Variants in ADAMTS17 observed in about 807,000 individuals in gnomAD.
ADAMTS17 encodes the protein A disintegrin and metalloproteinase with thrombospondin motifs 17.
A neutral mutation model predicts 141.5 loss-of-function variants in ADAMTS17; 113 were observed. The ratio of observed to expected loss-of-function variants is 0.80; its 90% confidence interval spans 0.69 to 0.93. The LOEUF is 0.93. Among genes scored for constraint, ADAMTS17 ranks in the 40% least tolerant of loss-of-function variants. The pLI is 0.00. For missense variants in ADAMTS17, 1,659 were observed against 1,517.9 expected, an observed-to-expected ratio of 1.09 and a Z score of -1.54; for synonymous variants, 768 against 630.6, an observed-to-expected ratio of 1.22 and a Z score of -3.27.
At chr15:100,103,615 G>C (rs2141061759) in intron 14 of ADAMTS17, among the ~76,000 whole-genome samples, 1 of 150,270 alleles carries the variant, frequency 6.7e-6, no homozygotes, top group South Asian at 2.1e-4. Flanking sequence ...GTCTCTCTCT[G>C]TCGCCCAGGC....
chr15:99,984,325 C>A (rs568923116), intron 20 of ADAMTS17, among the ~76,000 whole-genome samples: 9 of 152,190 alleles, frequency 5.9e-5, no homozygotes, highest in African/African-American at 1.9e-4. Flanking sequence ...GGTAACTTTG[C>A]TTCCCACCAT....
At chr15:100,039,988 T>C (rs1387029494) in intron 18 of ADAMTS17, among the ~76,000 whole-genome samples, 1 of 152,232 alleles carries the variant, frequency 6.6e-6, no homozygotes, top group African/African-American at 2.4e-5. Context: ...AAAAATCTTT[T>C]TGTCTGGTAT....
chr15:100,114,478 G>A (rs976055341), intron 13 of ADAMTS17, among the ~76,000 whole-genome samples: 1 of 152,096 alleles, frequency 6.6e-6, no homozygotes, highest in Non-Finnish European at 1.5e-5. Flanking sequence ...AAAAATGCTG[G>A]CTTCTGTTGG....
intron 20 of ADAMTS17, 21 bp from the exon 21 acceptor site, chr15:99,976,243 G>A (rs1246392752): frequency 1.9e-6 from 3 of 1,540,124 alleles, no homozygotes; most frequent in Admixed American, 2.0e-5. Flanking sequence ...AGGACAGCCT[G>A]AGTGGGGCTG....
At chr15:100,297,699 G>A (rs2044873097) in intron 3 of ADAMTS17, among the ~76,000 whole-genome samples, 1 of 152,178 alleles carries the variant, frequency 6.6e-6, no homozygotes, top group African/African-American at 2.4e-5. Context: ...TCCAGGTGGA[G>A]ATGTCAGGCT....
At chr15:99,985,440 G>T (rs893576013) in intron 20 of ADAMTS17, among the ~76,000 whole-genome samples, 2 of 151,778 alleles carry the variant, frequency 1.3e-5, no homozygotes, top group African/African-American at 4.9e-5. Flanking sequence ...TCACAATTAA[G>T]GGGAGGCTAA....
At chr15:100,106,585 C>T (rs544462929) in intron 14 of ADAMTS17, among the ~76,000 whole-genome samples, 1 of 152,218 alleles carries the variant, frequency 6.6e-6, no homozygotes, top group African/African-American at 2.4e-5. Context: ...GCCAGTAACA[C>T]AGACCCCACT....
intron 15 of ADAMTS17, among the ~76,000 whole-genome samples, chr15:100,062,510 T>G (rs1338191457): frequency 6.6e-6 from 1 of 152,172 alleles, no homozygotes; most frequent in Non-Finnish European, 1.5e-5. Context: ...TATTAGAGAT[T>G]TGTTTTGTGT....
chr15:100,202,700 C>T (rs751352118), intron 7 of ADAMTS17, among the ~76,000 whole-genome samples: 11 of 152,228 alleles, frequency 7.2e-5, no homozygotes, highest in Non-Finnish European at 1.3e-4. Flanking sequence ...GATACCCCCA[C>T]CGTCTCAGGC....
At chr15:99,995,476 C>T (rs117793215) in intron 19 of ADAMTS17, among the ~76,000 whole-genome samples, 3,292 of 152,300 alleles carry the variant, frequency 0.022, 73 homozygotes, top group Non-Finnish European at 0.033. Context: ...CCAAAGGGGC[C>T]TAGGAGGGTG....
chr15:100,253,097 G>A (rs58296348), intron 7 of ADAMTS17, among the ~76,000 whole-genome samples: 32,172 of 151,484 alleles, frequency 0.21, 3,907 homozygotes, highest in East Asian at 0.42. Context: ...TGTTTTCTTC[G>A]ATTTTACTAC....
intron 7 of ADAMTS17, among the ~76,000 whole-genome samples, chr15:100,222,930 T>G (rs1467881369): frequency 6.6e-6 from 1 of 152,248 alleles, no homozygotes; most frequent in African/African-American, 2.4e-5. Context: ...CACACTTTGC[T>G]GGCATTCAAA....
At chr15:100,011,055 C>T (rs921252003) in intron 18 of ADAMTS17, among the ~76,000 whole-genome samples, 3 of 151,778 alleles carry the variant, frequency 2.0e-5, no homozygotes, top group Non-Finnish European at 2.9e-5. Context: ...ACGCAGACAA[C>T]GTTGTCTTTT....
intron 7 of ADAMTS17, among the ~76,000 whole-genome samples, chr15:100,232,330 A>G (rs897044599): frequency 7.9e-5 from 12 of 151,266 alleles, no homozygotes; most frequent in Admixed American, 4.6e-4. Context: ...CACCTCCCCA[A>G]CTCCTCTCCT....
intron 18 of ADAMTS17, among the ~76,000 whole-genome samples, chr15:100,007,605 G>C (rs981224210): frequency 2.6e-5 from 4 of 152,088 alleles, no homozygotes; most frequent in African/African-American, 9.7e-5. Flanking sequence ...GGGTCAAAGA[G>C]AGAAAGAAGG....
chr15:100,028,148 T>C (rs1192254635), intron 18 of ADAMTS17, among the ~76,000 whole-genome samples: 3 of 152,198 alleles, frequency 2.0e-5, no homozygotes, highest in Non-Finnish European at 4.4e-5. Flanking sequence ...GCTTACTAAG[T>C]GCTCTGCTGA....
intron 8 of ADAMTS17, among the ~76,000 whole-genome samples, chr15:100,176,124 G>A (rs994675099): frequency 1.2e-4 from 19 of 152,122 alleles, no homozygotes; most frequent in Non-Finnish European, 2.4e-4. Context: ...CAGAACCACC[G>A]GTCAGTGGCC....
At chr15:100,190,613 G>C (rs1009702773) in intron 8 of ADAMTS17, among the ~76,000 whole-genome samples, 1 of 152,296 alleles carries the variant, frequency 6.6e-6, no homozygotes, top group East Asian at 1.9e-4. Flanking sequence ...ACCCCAAGAG[G>C]GGCAGGTCTG....
chr15:100,216,167 A>G (rs897915444), intron 7 of ADAMTS17, among the ~76,000 whole-genome samples: 1 of 152,194 alleles, frequency 6.6e-6, no homozygotes, highest in African/African-American at 2.4e-5. Context: ...ATGAACACCT[A>G]CCTCGTGGAA....
Sources: gnomAD v4.1 joint callset for allele counts (sites outside exome capture counted in the v4.1 genomes callset) on GRCh38, gnomAD v4.1.1 for gene constraint, MANE v1.5 for transcripts, NCBI Gene and HGNC (gene_info 2026-07-23, HGNC 2026-07-21) for gene names.